SYNPO2: variants seen among roughly 807,000 people sequenced by gnomAD.
SYNPO2 encodes the protein synaptopodin-2.
Under a neutral mutation model 85.0 loss-of-function variants are expected in SYNPO2, and 56 were observed. The ratio of observed to expected loss-of-function variants is 0.66; its 90% CI spans 0.53 to 0.82. The LOEUF (loss-of-function observed/expected upper bound fraction) is 0.82. Among genes scored for constraint, SYNPO2 ranks in the 40% least tolerant of loss-of-function variants. The probability of loss-of-function intolerance (pLI) is 0.00; values close to 1 mark genes in which losing one functional copy is unlikely to be tolerated. For missense variants in SYNPO2, 1,575 were observed against 1,534.2 expected (o/e 1.03, Z -0.44); for synonymous variants, 602 against 591.1 (o/e 1.02, Z -0.27).
upstream of SYNPO2, among the ~76,000 whole-genome samples, chr4:118,885,171 G>A (rs979799685): frequency 2.6e-5 from 4 of 152,246 alleles, no homozygotes; most frequent in Non-Finnish European, 5.9e-5. Context: ...GGGGTAGTAA[G>A]CAACAAGGTG....
rs200364546 is a variant in SYNPO2 at position 118,933,867 on chromosome 4, GA to G, written c.105+44733del. On this transcript the variant is annotated intron_variant, in intron 1 of 4. Transcript: ENST00000307142. ...TTTTTGGACAGTAACCTTGCAAGGA[GA>G]AAAAAAGGATTGAGTTTATACATGT... Among the ~76,000 whole-genome samples the G allele has an allele frequency of 5.3e-3, 604 of 114,934 alleles. 3 individuals carry two copies. The highest frequency in any genetic ancestry group is 0.015 in the African/African-American group (487 of 31,852). 75.4% of individuals were successfully genotyped at this position (114,934 alleles called of 152,430 possible). A position where few individuals can be genotyped will look rare whatever the true frequency, so the allele number is the denominator to read the frequency against.
At chr4:118,969,865 C>A (rs374859016) in intron 1 of SYNPO2, among the ~76,000 whole-genome samples, 1 of 151,694 alleles carries the variant, frequency 6.6e-6, no homozygotes, top group Non-Finnish European at 1.5e-5. Context: ...AGAACCTGGC[C>A]TCTTTAAAAA....
intron 1 of SYNPO2, among the ~76,000 whole-genome samples, chr4:118,874,164 T>C (rs569391616): frequency 3.3e-5 from 5 of 152,354 alleles, no homozygotes; most frequent in African/African-American, 1.2e-4. Context: ...TTATTAGACA[T>C]TTTAAATACT....
intron 4 of SYNPO2, 170 bp downstream of exon 4, chr4:119,032,197 T>C: frequency 6.9e-7 from 1 of 1,441,176 alleles, no homozygotes. Context: ...CCAAGGAGTA[T>C]AATATTTTTA....
intron 1 of SYNPO2, chr4:119,006,329 A>G (rs533688706): frequency 1.1e-4 from 16 of 152,212 alleles, no homozygotes; most frequent in Non-Finnish European, 2.2e-4. Context: ...AACACAAAGT[A>G]TCCAGTGAAT....
At chr4:118,998,112 AT>A (rs2149171712) in intron 1 of SYNPO2, among the ~76,000 whole-genome samples, 1 of 152,264 alleles carries the variant, frequency 6.6e-6, no homozygotes, top group South Asian at 2.1e-4. Context: ...TGATAACCGC[AT>A]TTTTCAAAAA....
chr4:118,977,488 G>C (rs1487704717), intron 1 of SYNPO2, among the ~76,000 whole-genome samples: 2 of 152,234 alleles, frequency 1.3e-5, no homozygotes, highest in Admixed American at 6.5e-5. Context: ...AGCCCAGAAA[G>C]GGGCTCCCAC....
chr4:118,967,346 G>A (rs1735353666), intron 1 of SYNPO2, among the ~76,000 whole-genome samples: 1 of 152,106 alleles, frequency 6.6e-6, no homozygotes, highest in Non-Finnish European at 1.5e-5. Context: ...TGACCTTTTA[G>A]CTCTGACATT....
chr4:118,973,616 T>C (rs1194613744), intron 1 of SYNPO2, among the ~76,000 whole-genome samples: 1 of 152,160 alleles, frequency 6.6e-6, no homozygotes, highest in Non-Finnish European at 1.5e-5. Context: ...ATTTAACCCA[T>C]GCGTGTTGAG....
chr4:118,977,421 C>T (rs1735830594), intron 1 of SYNPO2, among the ~76,000 whole-genome samples: 1 of 152,250 alleles, frequency 6.6e-6, no homozygotes, highest in Non-Finnish European at 1.5e-5. Context: ...GGTTCCCGCT[C>T]ACGCCTCTCC....
intron 1 of SYNPO2, among the ~76,000 whole-genome samples, chr4:118,942,471 A>G (rs1176239231): frequency 6.6e-6 from 1 of 152,262 alleles, no homozygotes; most frequent in East Asian, 1.9e-4. Context: ...CCTGGAAAGC[A>G]CAACATTTTT....
Position 119,027,001 on chromosome 4 carries a change from C to T in SYNPO2, c.632C>T (p.Ala211Val). The T allele has an allele frequency of 6.2e-7, 1 of 1,614,172 alleles. No individual in the cohort carries two copies. Among genetic ancestry groups the T allele is most frequent in the Non-Finnish European group, 8.5e-7 (1 of 1,180,030 alleles). ...CTTTCACAGGAGAGACATAAGGGCG[C>T]TAGTGGCCCTTTAGTGGCTCTCCCG... The part of the protein sequence containing the change: ...LSLSQERHKG[A>V]SGPLVALPGA... The change falls in exon 3 of 5, where the codon GCT (alanine) becomes GTT (valine). Residue 211 changes from alanine to valine, a missense_variant. Ala to Val is a moderately conservative substitution (Grantham distance 64). This residue lies in a region of SYNPO2 where 1,508 missense variants were observed against 1,446.8 expected (regional missense o/e 1.04). Coordinates refer to ENST00000307142, the MANE Select transcript of SYNPO2 (RefSeq NM_133477.3).
In SYNPO2 at chr4:119,030,325, C is replaced by G. The variant is rs780744499; in HGVS notation, c.1550C>G (p.Thr517Arg). 1 of 1,613,848 alleles carries G rather than the reference C, an allele frequency of 6.2e-7. No homozygotes were observed. The highest frequency in any genetic ancestry group is 1.7e-5 in the Admixed American group (1 of 59,982). ...AQKEEDKVGGTPSREQDAAQT... is the reference protein window; with the variant it reads ...AQKEEDKVGGRPSREQDAAQT... ...AAAGAAGAGGACAAGGTAGGTGGAA[C>G]GCCAAGCAGAGAACAAGATGCTGCC... Residue 517 changes from threonine (T) to arginine (R), a missense_variant, in exon 4 of 5, where the codon ACG becomes AGG. Coordinates refer to ENST00000307142, the MANE Select transcript of SYNPO2 (RefSeq NM_133477.3).
chr4:118,926,864 G>A (rs1306953157), intron 1 of SYNPO2, among the ~76,000 whole-genome samples: 1 of 152,134 alleles, frequency 6.6e-6, no homozygotes, highest in African/African-American at 2.4e-5. Flanking sequence ...CACAGTACAC[G>A]AGCAGATTCC....
At chr4:118,952,012 C>G (rs1036159658) in intron 1 of SYNPO2, among the ~76,000 whole-genome samples, 2 of 152,154 alleles carry the variant, frequency 1.3e-5, no homozygotes, top group Non-Finnish European at 2.9e-5. Context: ...CTGACCTGAG[C>G]TAGGCTTTCT....
chr4:118,905,963 C>G (rs550357079), intron 1 of SYNPO2, among the ~76,000 whole-genome samples: 4 of 152,130 alleles, frequency 2.6e-5, no homozygotes, highest in Admixed American at 1.3e-4. Context: ...CATTTTTTTG[C>G]ACTTATGTTG....
chr4:118,932,276 C>T (rs960941893), intron 1 of SYNPO2, among the ~76,000 whole-genome samples: 6 of 152,044 alleles, frequency 3.9e-5, no homozygotes, highest in African/African-American at 1.5e-4. Flanking sequence ...CACCACTGAC[C>T]CCACAAGAAG....
chr4:118,866,523 C>A (rs79729667), intron 1 of SYNPO2, among the ~76,000 whole-genome samples: 73 of 152,278 alleles, frequency 4.8e-4, no homozygotes, highest in African/African-American at 1.8e-3. Flanking sequence ...GTTGGTTGAG[C>A]ACTTCTTAGG....
intron 1 of SYNPO2, among the ~76,000 whole-genome samples, chr4:118,867,780 C>T (rs147235680): frequency 1.8e-3 from 267 of 152,054 alleles, no homozygotes; most frequent in African/African-American, 6.3e-3. Flanking sequence ...GAACACTATT[C>T]TTAGTAGAAA....
Sources: gnomAD v4.1 joint callset for allele counts (sites outside exome capture counted in the v4.1 genomes callset) on GRCh38, gnomAD v4.1.1 for gene constraint, gnomAD v4.1.1 regional missense constraint, MANE v1.5 for transcripts, NCBI Gene and HGNC (gene_info 2026-07-23, HGNC 2026-07-21) for gene names.